The following C2CD5 variants were observed in gnomAD, a reference collection of about 807,000 sequenced individuals.
C2CD5 encodes C2 calcium dependent domain containing 5.
Under a neutral mutation model 130.3 loss-of-function variants are expected in C2CD5, and 109 were observed. The ratio of observed to expected loss-of-function variants is 0.84; its 90% confidence interval spans 0.72 to 0.98. C2CD5 has a LOEUF of 0.98. Among genes scored for constraint, C2CD5 ranks in the 50% least tolerant of loss-of-function variants. The pLI is 0.00. For missense variants in C2CD5, 996 were observed against 1,261.8 expected, an observed-to-expected ratio of 0.79 and a Z score of 3.19; for synonymous variants, 454 against 429.2, an observed-to-expected ratio of 1.06 and a Z score of -0.71.
chr12:22,519,067 G>C, intron 7 of C2CD5: 1 of 1,509,520 alleles, frequency 6.6e-7, no homozygotes. Context: ...CAGCCACTCT[G>C]CCCGTGGCCT....
At chr12:22,510,007 C>A (rs1038026633) in intron 9 of C2CD5, among the ~76,000 whole-genome samples, 1 of 151,988 alleles carries the variant, frequency 6.6e-6, no homozygotes, top group South Asian at 2.1e-4. Flanking sequence ...GAGTTCAAGA[C>A]CAGCCTGGTC....
chr12:22,495,334 T>G (rs1591837507), intron 10 of C2CD5, among the ~76,000 whole-genome samples: 1 of 152,060 alleles, frequency 6.6e-6, no homozygotes. Flanking sequence ...ATAAACAGTG[T>G]TTTAGAAATT....
chr12:22,487,257 A>C (rs1945665084), intron 12 of C2CD5, among the ~76,000 whole-genome samples: 1 of 152,130 alleles, frequency 6.6e-6, no homozygotes, highest in Admixed American at 6.5e-5. Flanking sequence ...CTACCATCAG[A>C]GTGAACAGGC....
intron 22 of C2CD5, among the ~76,000 whole-genome samples, chr12:22,467,382 G>A (rs113149382): frequency 3.9e-5 from 6 of 152,024 alleles, no homozygotes; most frequent in East Asian, 1.9e-4. Flanking sequence ...CAAGCAATCC[G>A]CCTGCTTCGG....
chr12:22,491,549 T>C (rs1946355465), intron 11 of C2CD5, among the ~76,000 whole-genome samples: 1 of 152,092 alleles, frequency 6.6e-6, no homozygotes, highest in Non-Finnish European at 1.5e-5. Flanking sequence ...CAGTAGAATG[T>C]AAATGTGATA....
intron 15 of C2CD5, 31 bp downstream of exon 15, chr12:22,478,282 T>TA: frequency 6.5e-7 from 1 of 1,547,464 alleles, no homozygotes; most frequent in Non-Finnish European, 8.9e-7. Flanking sequence ...CAATAACTGA[T>TA]ACATTCACAA....
chr12:22,501,072 CA>C, intron 10 of C2CD5, among the ~76,000 whole-genome samples: 1 of 152,240 alleles, frequency 6.6e-6, no homozygotes, highest in South Asian at 2.1e-4. Context: ...TCAGAATTAT[CA>C]AGTTATTTTT....
intron 2 of C2CD5, among the ~76,000 whole-genome samples, chr12:22,538,835 C>T (rs1952070540): frequency 6.6e-6 from 1 of 152,120 alleles, no homozygotes; most frequent in African/African-American, 2.4e-5. Context: ...TACCATCCTC[C>T]AGGCCCAGGA....
chr12:22,486,220 T>A (rs1390374505), intron 12 of C2CD5, among the ~76,000 whole-genome samples: 4 of 148,964 alleles, frequency 2.7e-5, no homozygotes, highest in Non-Finnish European at 5.9e-5. Context: ...CAAAGCACAC[T>A]CTGAAGCTTT....
chr12:22,544,125 AT>A lies in C2CD5; in HGVS notation c.25del (p.Ile9SerfsTer9). The A allele has an allele frequency of 6.2e-7, 1 of 1,613,336 alleles. No individual in the cohort carries two copies. Among genetic ancestry groups the A allele is most frequent in the Non-Finnish European group, 8.5e-7 (1 of 1,179,772 alleles). On this transcript the variant is annotated frameshift_variant, in exon 2 of 27. Transcript: ENST00000446597. LOFTEE classifies it high-confidence loss of function. ...CACTGGCAAATGGCGCCCGGCCACGATTTTCACCTTCAGCTTCCCTGGCATG... is the reference window on the plus strand; with the variant it reads ...CACTGGCAAATGGCGCCCGGCCACGATTTCACCTTCAGCTTCCCTGGCATG... MPGKLKVKIVAGRHLPVMD... is the reference protein window; with the variant it reads MPGKLKVKXVAGRHLPVMD...
rs1565702848 is a variant in C2CD5, at chr12:22,484,770, C to T, written c.1477G>A (p.Asp493Asn). 1 of 1,610,536 alleles carries T rather than the reference C, an allele frequency of 6.2e-7. No individual in the cohort carries two copies. Among genetic ancestry groups the T allele is most frequent in the Non-Finnish European group, 8.5e-7 (1 of 1,178,034 alleles). Residue 493 changes from aspartate (D) to asparagine (N), a missense_variant, in exon 13 of 27, where the codon GAT becomes AAT. This residue lies in a region of C2CD5 where 590 missense variants were observed against 631.4 expected (regional missense o/e 0.93). Coordinates refer to ENST00000446597, the MANE Select transcript of C2CD5 (RefSeq NM_001286176.2). ...AGGTCTATAGTTGTAAACAGAACAT[C>T]AGGAACTTTTTGTTTCCTGCAGTTA... The part of the protein sequence containing the change: ...CYNCRKQKVP[D>N]VLFTTIDLPT...
intron 9 of C2CD5, among the ~76,000 whole-genome samples, chr12:22,509,928 G>A (rs1302542589): frequency 6.6e-6 from 1 of 152,166 alleles, no homozygotes; most frequent in Non-Finnish European, 1.5e-5. Context: ...GCTTCTGCCG[G>A]GCACAGTGGC....
At chr12:22,484,507 C>T in intron 13 of C2CD5, 190 bp downstream of exon 13, 1 of 407,884 alleles carries the variant, frequency 2.5e-6, no homozygotes, top group East Asian at 3.6e-5. Context: ...CTTTTGTACA[C>T]AAACTTATTT....
rs1389774625 is a variant in C2CD5, at chr12:22,512,666, T to A, written c.1038+628A>T. The A allele has an allele frequency of 3.3e-6, 5 of 1,500,092 alleles. No homozygotes were observed. The South Asian group carries it at 6.4e-5, about 19-fold the overall frequency. 92.9% of individuals were successfully genotyped at this position (1,500,092 alleles called of 1,614,324 possible). On this transcript the variant is annotated intron_variant, in intron 9 of 26. Transcript: ENST00000446597. ...ACATACCCGCCTTCTACAGAACCTA[T>A]GAGGCGATCCTCCCTTAGCAATGAA...
chr12:22,536,626 T>C (rs1034793851), intron 2 of C2CD5, among the ~76,000 whole-genome samples: 4 of 152,198 alleles, frequency 2.6e-5, no homozygotes, highest in Admixed American at 1.3e-4. Flanking sequence ...TATGATTATA[T>C]TTGTTTCTAA....
At chr12:22,483,069 T>C (rs1251661761) in intron 13 of C2CD5, among the ~76,000 whole-genome samples, 1 of 152,120 alleles carries the variant, frequency 6.6e-6, no homozygotes, top group Non-Finnish European at 1.5e-5. Context: ...AAAGGATAAA[T>C]GCGTGAGGGG....
intron 6 of C2CD5, 133 bp from the exon 7 acceptor site, chr12:22,523,757 A>G (rs1950478696): frequency 1.5e-6 from 1 of 663,946 alleles, no homozygotes; most frequent in African/African-American, 1.8e-5. Context: ...AGGAAACTTA[A>G]AAGATAATCT....
chr12:22,486,117 A>G (rs544806673), intron 12 of C2CD5, among the ~76,000 whole-genome samples: 9 of 151,878 alleles, frequency 5.9e-5, no homozygotes, highest in Non-Finnish European at 7.4e-5. Flanking sequence ...ATAAAGTGAG[A>G]ATCCTGTACT....
intron 21 of C2CD5, 125 bp from the exon 22 acceptor site, chr12:22,469,920 G>A: frequency 1.9e-6 from 1 of 537,658 alleles, no homozygotes; most frequent in South Asian, 3.2e-5. Context: ...ATTTATTCTG[G>A]TCATTTTCTC....
Sources: allele counts gnomAD v4.1 joint callset (sites outside exome capture counted in the v4.1 genomes callset), GRCh38; gene constraint gnomAD v4.1.1; regional missense constraint gnomAD v4.1.1; transcripts MANE v1.5; gene names NCBI Gene and HGNC (gene_info 2026-07-23, HGNC 2026-07-21).